Variants in ITGAL observed in about 807,000 individuals in gnomAD.
ITGAL encodes the protein integrin subunit alpha L, also known as integrin alpha-L.
Under a neutral mutation model 138.4 loss-of-function variants are expected in ITGAL, and 68 were observed. The ratio of observed to expected loss-of-function variants is 0.49; its 90% CI spans 0.40 to 0.60. The LOEUF is 0.60. Among genes scored for constraint, ITGAL ranks in the 20% least tolerant of loss-of-function variants. The pLI, the probability that ITGAL is intolerant of heterozygous loss-of-function variation, is 0.00. For synonymous variants in ITGAL, 561 were observed against 584.3 expected (o/e 0.96, Z 0.57); for missense variants, 1,256 against 1,478.6 (o/e 0.85, Z 2.47).
At chr16:30,491,462 A>G (rs904632100) in intron 11 of ITGAL, among the ~76,000 whole-genome samples, 1 of 152,094 alleles carries the variant, frequency 6.6e-6, no homozygotes, top group Non-Finnish European at 1.5e-5. Flanking sequence ...CACTATACAC[A>G]CACATAAATA....
At position 30,506,845 on chromosome 16, in the gene ITGAL, G is replaced by A. The variant is rs1449664297; in HGVS notation, c.2497G>A (p.Glu833Lys). 1.2e-6 allele frequency: 2 copies of A among 1,613,834 alleles called. No homozygotes were observed. Among genetic ancestry groups the A allele is most frequent in the Non-Finnish European group, 8.5e-7 (1 of 1,179,892 alleles). Residue 833 changes from glutamate to lysine, a missense_variant, in exon 21 of 31, where the codon GAG becomes AAG. Physicochemically the swap from Glu to Lys is moderately conservative, Grantham distance 56. This residue lies in a region of ITGAL where 867 missense variants were observed against 972.5 expected (regional missense o/e 0.89). Coordinates refer to ENST00000356798, the MANE Select transcript of ITGAL (RefSeq NM_002209.3). The part of the protein sequence containing the change: ...FPPGLSFRKV[E>K]MLKPHSQIPV... ...CCCGGGACTCTCCTTCCGCAAGGTG[G>A]AGATGCTGAAGGTGGGTGAGAGGAC...
At chr16:30,483,623 A>C (rs1360697274) in intron 7 of ITGAL, among the ~76,000 whole-genome samples, 1 of 152,168 alleles carries the variant, frequency 6.6e-6, no homozygotes, top group African/African-American at 2.4e-5. Context: ...CCCAGGATGC[A>C]GTGTGAGGAC....
chr16:30,492,867 A>G (rs2050744316), intron 11 of ITGAL, among the ~76,000 whole-genome samples: 1 of 150,716 alleles, frequency 6.6e-6, no homozygotes, highest in African/African-American at 2.4e-5. Context: ...AAGCATGAAA[A>G]TTTTTCAAGT....
rs775285132 is a variant in ITGAL, at chr16:30,475,378, C to A, written c.237C>A (p.His79Gln). The A allele has an allele frequency of 6.2e-7, 1 of 1,613,730 alleles. No homozygotes were observed. The change falls in exon 3 of 31, where the codon CAC becomes CAA. Residue 79 changes from histidine to glutamine, a missense_variant. By Grantham distance (24) the His-to-Gln change is conservative. This residue lies in a region of ITGAL where 212 missense variants were observed against 217.4 expected (regional missense o/e 0.98). Coordinates refer to ENST00000356798, the MANE Select transcript of ITGAL (RefSeq NM_002209.3). ...ATCAGTGCCAGTCGGGCACAGGACACTGCCTGCCAGTCACCCTGAGAGGTG... is the reference window on the plus strand; with the variant it reads ...ATCAGTGCCAGTCGGGCACAGGACAATGCCTGCCAGTCACCCTGAGAGGTG... ...SLYQCQSGTG[H>Q]CLPVTLRGSN...
At position 30,494,367 on chromosome 16, in the gene ITGAL, C is replaced by T; in HGVS notation, c.1365+4C>T. ...CCAGACAATCCATGGGACCCAGGTG[C>T]GCCCAGTCCGAGGGCATCTGCAGAC... is the stretch of plus-strand genomic sequence containing the variant. On this transcript the variant is annotated splice_donor_region_variant and intron_variant, in intron 12 of 30. Transcript: ENST00000356798. This position sits in a 1 kb window ranked among gnomAD's most constrained non-coding sequence, Gnocchi z 4.2. 2.5e-6 allele frequency: 4 copies of T among 1,599,816 alleles called. No homozygotes were observed. Among genetic ancestry groups the T allele is most frequent in the Admixed American group, 1.7e-5 (1 of 58,758 alleles).
Position 30,510,371 on chromosome 16 carries a change from A to T in ITGAL, c.2519A>T (p.Gln840Leu). The stretch of plus-strand genomic sequence containing the variant: ...TCCTTTCACTCCCAGCCCCATAGCC[A>T]GATACCTGTGAGCTGCGAGGAGCTT... ...RKVEMLKPHS[Q>L]IPVSCEELPE... The change falls in exon 22 of 31, where the codon CAG (glutamine) becomes CTG (leucine). Residue 840 changes from glutamine to leucine, a missense_variant. This residue lies in a region of ITGAL where 867 missense variants were observed against 972.5 expected (regional missense o/e 0.89). Transcript: ENST00000356798. 1 of 1,606,434 alleles carries T rather than the reference A, an allele frequency of 6.2e-7. No homozygotes were observed. Among genetic ancestry groups the T allele is most frequent in the Non-Finnish European group, 8.5e-7 (1 of 1,173,004 alleles).
chr16:30,521,620 G>A lies in ITGAL; in HGVS notation c.3468G>A (p.Lys1156=). ...GQEAGDPGCL[K]PLHEKDSESG... is the part of the protein sequence containing the mutation. ...AGGCTGGGGATCCCGGCTGCCTGAA[G>A]CCCCTCCATGAGAAGGACTCTGAGA... is the stretch of plus-strand genomic sequence containing the variant. The change falls in exon 31 of 31, where the codon AAG becomes AAA. Residue 1156 remains lysine (K), a synonymous_variant. Coordinates refer to ENST00000356798, the MANE Select transcript of ITGAL (RefSeq NM_002209.3). 1 of 1,614,178 alleles carries A rather than the reference G, an allele frequency of 6.2e-7. No homozygotes were observed. Among genetic ancestry groups the A allele is most frequent in the South Asian group, 1.1e-5 (1 of 91,092 alleles).
rs58493374 is a variant in ITGAL at position 30,504,870 on chromosome 16, A to C, written c.2236-374A>C. On this transcript the variant is annotated intron_variant, in intron 18 of 30. Transcript: ENST00000356798. ...ATCTCTACTAAAAATATTTTTAAAA[A>C]ATTAGCCAGGCGTGGTGGTAGATGC... The C allele has an allele frequency of 7.4e-4, 119 of 160,332 alleles. No individual in the cohort carries two copies. The East Asian group carries it at 0.02, about 27-fold the overall frequency. The allele number at this position is 160,332 out of a possible 1,614,324, so 9.9% of individuals were successfully genotyped here.
intron 29 of ITGAL, chr16:30,519,611 T>G (rs1204315311): frequency 2.0e-6 from 1 of 489,506 alleles, no homozygotes; most frequent in East Asian, 3.7e-5. Context: ...CTGGACGGCT[T>G]TGAATGCTGA....
chr16:30,508,333 C>T (rs1158162193), intron 21 of ITGAL, among the ~76,000 whole-genome samples: 2 of 151,722 alleles, frequency 1.3e-5, no homozygotes, highest in Non-Finnish European at 2.9e-5. Context: ...CCTGCCTCAG[C>T]CTCCCGAGTA....
chr16:30,489,394 C>T lies in ITGAL; in HGVS notation c.1213+8C>T, dbSNP rs776011572. 1.9e-6 allele frequency: 3 copies of T among 1,613,390 alleles called. No homozygotes were observed. The highest frequency in any genetic ancestry group is 8.5e-7 in the Non-Finnish European group (1 of 1,179,472). ...TGAGAGCAGGCTATTTGGGTGAGTA[C>T]TTCTCTTTTCTGCTGGGATCTTCTG... On this transcript the variant is annotated splice_region_variant and intron_variant, in intron 11 of 30. Transcript: ENST00000356798.
intron 15 of ITGAL, among the ~76,000 whole-genome samples, chr16:30,496,935 A>G (rs1303492321): frequency 1.3e-5 from 2 of 151,756 alleles, no homozygotes; most frequent in Non-Finnish European, 2.9e-5. Flanking sequence ...AGGAGCCACT[A>G]TGCATGGCCT....
Position 30,517,865 on chromosome 16 carries a change from C to G in ITGAL, c.3102C>G (p.Ile1034Met), listed in dbSNP as rs766847705. 3 of 1,614,078 alleles carry G rather than the reference C, an allele frequency of 1.9e-6. No individual in the cohort carries two copies. The highest frequency in any genetic ancestry group is 1.7e-4 in the Middle Eastern group (1 of 6,048). The change falls in exon 28 of 31, where the codon ATC becomes ATG. Residue 1034 changes from isoleucine to methionine, a missense_variant. Physicochemically the swap from Ile to Met is conservative, Grantham distance 10 (BLOSUM62 1). Transcript: ENST00000356798. The part of the protein sequence containing the change: ...VFRQEILVQV[I>M]GTLELVGEIE... ...GGCAGGAGATCCTCGTCCAAGTGAT[C>G]GGGACTCTGGAGCTGGTGGGAGAGA...
rs966492839 is a variant in ITGAL, at chr16:30,521,660, G to A, written c.3508G>A (p.Asp1170Asn). Reference sequence around the variant, plus strand: ...GGACTCTGAGAGTGGTGGTGGCAAGGACTGAGTCCAGGCCTGTGAGGTGCA... The same window carrying A: ...GGACTCTGAGAGTGGTGGTGGCAAGAACTGAGTCCAGGCCTGTGAGGTGCA... ...EKDSESGGGK[D>N] Residue 1170 changes from aspartate (D) to asparagine (N), a missense_variant, in exon 31 of 31, where the codon GAC becomes AAC. Physicochemically the swap from Asp to Asn is conservative, Grantham distance 23 (BLOSUM62 1). Transcript: ENST00000356798. The A allele has an allele frequency of 2.5e-6, 4 of 1,613,558 alleles. No individual in the cohort carries two copies. In the African/African-American group the frequency reaches 5.3e-5, roughly 22 times the overall value.
rs995062265 is a variant in ITGAL at position 30,494,128 on chromosome 16, T to C, written c.1214-84T>C. On this transcript the variant is annotated intron_variant, in intron 11 of 30. Transcript: ENST00000356798. The surrounding 1 kb of genome is among the most constrained non-coding windows in gnomAD (Gnocchi z 4.2). The stretch of plus-strand genomic sequence containing the variant: ...CATGCATCTCTGCTACTAACCCAAT[T>C]CCCTGGGGCCCCTGCCCCTCTCCTG... 5.4e-6 allele frequency: 7 copies of C among 1,295,210 alleles called. No individual in the cohort carries two copies. The Admixed American group carries it at 1.1e-4, about 20-fold the overall frequency. 80.2% of individuals were successfully genotyped at this position (1,295,210 alleles called of 1,614,324 possible).
intron 30 of ITGAL, among the ~76,000 whole-genome samples, 174 bp downstream of exon 30, chr16:30,520,141 A>C (rs2051231521): frequency 6.6e-6 from 1 of 152,214 alleles, no homozygotes; most frequent in East Asian, 1.9e-4. Flanking sequence ...TGAGGTCCAA[A>C]GAACAAGCAA....
chr16:30,502,060 G>A (rs1056737827), intron 17 of ITGAL, among the ~76,000 whole-genome samples: 5 of 151,816 alleles, frequency 3.3e-5, no homozygotes, highest in Non-Finnish European at 5.9e-5. Context: ...AACAACTGTT[G>A]AAATACCCAG....
rs2051005910 is a variant in ITGAL, at chr16:30,506,794, T to C, written c.2446T>C (p.Trp816Arg). The change falls in exon 21 of 31, where the codon TGG becomes CGG. Residue 816 changes from tryptophan to arginine, a missense_variant. Transcript: ENST00000356798. ...GAGTAACTTGGAAGAAGATGCTTAC[T>C]GGGTCCAGCTGGACCTGCACTTCCC... ...SLSNLEEDAY[W>R]VQLDLHFPPG... 1.2e-6 allele frequency: 2 copies of C among 1,613,966 alleles called. No homozygotes were observed. The highest frequency in any genetic ancestry group is 1.7e-6 in the Non-Finnish European group (2 of 1,179,916).
In ITGAL at chr16:30,472,798, C is replaced by T. The variant is rs373763604; in HGVS notation, c.-40C>T. On this transcript the variant is annotated 5_prime_UTR_variant, in exon 1 of 31. It adds an upstream start codon to the 5' untranslated region. Coordinates refer to ENST00000356798, the MANE Select transcript of ITGAL (RefSeq NM_002209.3). ...CCAGCAAATCCCACGGGCCTCCTGACGCTGCCCCTGGGGCCACAGGTCCCT... is the reference window on the plus strand; with the variant it reads ...CCAGCAAATCCCACGGGCCTCCTGATGCTGCCCCTGGGGCCACAGGTCCCT... The T allele has an allele frequency of 5.9e-5, 94 of 1,595,912 alleles. 1 individual carries two copies. In the South Asian group the frequency reaches 8.4e-4, roughly 14 times the overall value.
Sources: gnomAD v4.1 joint callset for allele counts (sites outside exome capture counted in the v4.1 genomes callset) on GRCh38, gnomAD v4.1.1 for gene constraint, gnomAD v4.1.1 regional missense constraint, Gnocchi (gnomAD v3.1) non-coding constraint, MANE v1.5 for transcripts, NCBI Gene and HGNC (gene_info 2026-07-23, HGNC 2026-07-21) for gene names.